Variants in LAMB3 observed in about 807,000 individuals in gnomAD.
LAMB3 encodes the protein laminin subunit beta-3.
In LAMB3, 104 loss-of-function variants were observed where a neutral mutation model predicts 140.3. That is an observed-to-expected ratio of 0.74 (90% CI 0.63 to 0.87). LAMB3 has a LOEUF of 0.87. Ranked by LOEUF, LAMB3 falls within the 40% of genes least tolerant of loss-of-function variation. The pLI, the probability that LAMB3 is intolerant of heterozygous loss-of-function variation, is 0.00. For missense variants in LAMB3, 1,531 were observed against 1,575.2 expected (o/e 0.97, Z 0.47); for synonymous variants, 592 against 602.9 (o/e 0.98, Z 0.26).
intron 10 of LAMB3, among the ~76,000 whole-genome samples, chr1:209,629,118 CT>C (rs1666584300): frequency 6.6e-6 from 1 of 152,186 alleles, no homozygotes. Flanking sequence ...TCTTTTCTGA[CT>C]AAACCTGCCC....
intron 10 of LAMB3, among the ~76,000 whole-genome samples, chr1:209,628,870 A>C (rs1006540883): frequency 3.9e-5 from 6 of 152,206 alleles, no homozygotes; most frequent in Non-Finnish European, 7.3e-5. Context: ...TGTAATCTTC[A>C]TGATAATCCT....
In LAMB3 at chr1:209,625,881, G is replaced by A. The variant is rs1401679795; in HGVS notation, c.1743C>T (p.Cys581=). The part of the protein sequence containing the change: ...YCNRYPVCVA[C]HPCFQTYDAD... Reference sequence around the variant, plus strand: ...CATCATAGGTCTGGAAGCAAGGGTGGCAGGCCACGCACACCGGGTAGCGAT... The same window carrying A: ...CATCATAGGTCTGGAAGCAAGGGTGACAGGCCACGCACACCGGGTAGCGAT... Residue 581 remains cysteine, a synonymous_variant, in exon 14 of 23, where the codon TGC becomes TGT. Coordinates refer to ENST00000356082, the MANE Select transcript of LAMB3 (RefSeq NM_000228.3). The A allele has an allele frequency of 6.2e-7, 1 of 1,613,938 alleles. No individual in the cohort carries two copies. Among genetic ancestry groups the A allele is most frequent in the Admixed American group, 1.7e-5 (1 of 59,986 alleles).
At chr1:209,650,152 A>C (rs767106377) in intron 2 of LAMB3, 34 bp from the exon 3 acceptor site, 7 of 1,598,484 alleles carry the variant, frequency 4.4e-6, no homozygotes, top group Non-Finnish European at 6.0e-6. Context: ...GGAGCAGTCC[A>C]GAAAAAAAGG....
At chr1:209,617,840 C>CTGCA (rs1258016940) in intron 20 of LAMB3, 67 bp downstream of exon 20, 7 of 1,596,578 alleles carry the variant, frequency 4.4e-6, no homozygotes, top group Non-Finnish European at 6.0e-6. Context: ...CTGGCATTTT[C>CTGCA]TATGCCTGGT....
In LAMB3 at chr1:209,623,621, C is replaced by A. The variant is rs369131781; in HGVS notation, c.2242G>T (p.Glu748Ter). The A allele has an allele frequency of 1.2e-6, 2 of 1,614,230 alleles. No individual in the cohort carries two copies. The highest frequency in any genetic ancestry group is 1.7e-6 in the Non-Finnish European group (2 of 1,180,036). The change falls in exon 16 of 23, where the codon GAG becomes TAG. Residue 748 changes from glutamate to a stop codon, truncating the protein, a stop_gained. Transcript: ENST00000356082. LOFTEE classifies it high-confidence loss of function. This position sits in a 1 kb window ranked among gnomAD's most constrained non-coding sequence, Gnocchi z 4.2. ...LLDQLRDSRR[E>*]AERLVRQAGG... ...GCCTGCCGCACCAGCCTCTCTGCCTCTCTCCGGCTGTCCCTGAGCTGGTCC... is the reference window on the plus strand; with the variant it reads ...GCCTGCCGCACCAGCCTCTCTGCCTATCTCCGGCTGTCCCTGAGCTGGTCC...
At chr1:209,641,641 A>G (rs2076469984) in intron 3 of LAMB3, among the ~76,000 whole-genome samples, 1 of 152,224 alleles carries the variant, frequency 6.6e-6, no homozygotes, top group Non-Finnish European at 1.5e-5. Flanking sequence ...CTTGAAGCTT[A>G]TCACAGGGAA....
Position 209,623,805 on chromosome 1 carries a change from C to G in LAMB3, c.2137+35G>C. ...GTGGCATGCCCACCACGGCAGTGCCCATGCCCGGGGTTATCCGGGTGCCCC... is the reference window on the plus strand; with the variant it reads ...GTGGCATGCCCACCACGGCAGTGCCGATGCCCGGGGTTATCCGGGTGCCCC... On this transcript the variant is annotated intron_variant, in intron 15 of 22. Coordinates refer to ENST00000356082, the MANE Select transcript of LAMB3 (RefSeq NM_000228.3). The surrounding 1 kb of genome is among the most constrained non-coding windows in gnomAD (Gnocchi z 4.2). 9 of 1,614,072 alleles carry G rather than the reference C, an allele frequency of 5.6e-6. No homozygotes were observed. Among genetic ancestry groups the G allele is most frequent in the Non-Finnish European group, 5.9e-6 (7 of 1,179,950 alleles).
At chr1:209,634,861 G>T (rs1051726482) in intron 5 of LAMB3, among the ~76,000 whole-genome samples, 1 of 151,654 alleles carries the variant, frequency 6.6e-6, no homozygotes, top group South Asian at 2.1e-4. Context: ...AGCTCACCAG[G>T]CTTCCAGGAT....
intron 21 of LAMB3, 80 bp downstream of exon 21, chr1:209,617,330 A>G: frequency 6.9e-7 from 1 of 1,454,600 alleles, no homozygotes; most frequent in Non-Finnish European, 9.6e-7. Flanking sequence ...TTGTGGTCTT[A>G]TAAAGTGTGC....
chr1:209,638,564 C>G lies in LAMB3; in HGVS notation c.268G>C (p.Gly90Arg). 1 of 1,613,162 alleles carries G rather than the reference C, an allele frequency of 6.2e-7. No individual in the cohort carries two copies. The highest frequency in any genetic ancestry group is 8.5e-7 in the Non-Finnish European group (1 of 1,179,144). The part of the protein sequence containing the change: ...HRVENVASSS[G>R]PMRWWQSQND... ...TGTGACTGCCACCAGCGCATGGGGC[C>G]GGAGGATGAAGCCACATTCTCTACT... is the stretch of plus-strand genomic sequence containing the variant. Residue 90 changes from glycine (G) to arginine (R), a missense_variant, in exon 4 of 23, where the codon GGC becomes CGC. Transcript: ENST00000356082.
intron 3 of LAMB3, among the ~76,000 whole-genome samples, chr1:209,645,027 C>G (rs1223687673): frequency 1.3e-5 from 2 of 152,226 alleles, no homozygotes; most frequent in Non-Finnish European, 2.9e-5. Context: ...CGGGCCTTCC[C>G]ATTTCACATT....
In LAMB3 at chr1:209,648,241, G is replaced by A. The variant is rs1198604764; in HGVS notation, c.183+1723C>T. Among the ~76,000 whole-genome samples the A allele has an allele frequency of 2.1e-4, 32 of 152,166 alleles. 1 individual carries two copies. ...ATTGCCAAAGAATGTTAGGGAAAAG[G>A]AGGGACCCTAAAGACCATCTCATCT... On this transcript the variant is annotated intron_variant, in intron 3 of 22. Coordinates refer to ENST00000356082, the MANE Select transcript of LAMB3 (RefSeq NM_000228.3).
intron 4 of LAMB3, 117 bp from the exon 5 acceptor site, chr1:209,638,098 CA>C (rs1342720071): frequency 7.3e-6 from 6 of 818,730 alleles, no homozygotes; most frequent in African/African-American, 1.7e-5. Flanking sequence ...CTTGATTTTC[CA>C]AACTCCCTCT....
chr1:209,650,163 G>GACCT (rs1453446443), intron 2 of LAMB3, 45 bp from the exon 3 acceptor site: 3 of 1,574,438 alleles, frequency 1.9e-6, no homozygotes, highest in Non-Finnish European at 2.6e-6. Context: ...GAAAAAAAGG[G>GACCT]ACCTCACTGG....
At position 209,629,798 on chromosome 1, in the gene LAMB3, C is replaced by T; in HGVS notation, c.1071G>A (p.Arg357=). Reference sequence around the variant, plus strand: ...GGTTCCGGAAATAGTGCAGCTGACACCGCTCACAGTTCTTGCCTTCGGTGT... The same window carrying T: ...GGTTCCGGAAATAGTGCAGCTGACATCGCTCACAGTTCTTGCCTTCGGTGT... ...RDHTEGKNCE[R]CQLHYFRNRR... is the part of the protein sequence containing the mutation. Residue 357 remains arginine, a synonymous_variant, in exon 10 of 23, where the codon CGG becomes CGA. Transcript: ENST00000356082. 6.2e-7 allele frequency: 1 copy of T among 1,614,026 alleles called. No individual in the cohort carries two copies. Among genetic ancestry groups the T allele is most frequent in the Non-Finnish European group, 8.5e-7 (1 of 1,180,028 alleles).
At position 209,625,748 on chromosome 1, in the gene LAMB3, C is replaced by T. The variant is rs746413547; in HGVS notation, c.1876G>A (p.Asp626Asn). Residue 626 changes from aspartate (D) to asparagine (N), a missense_variant, in exon 14 of 23, where the codon GAT becomes AAT. Coordinates refer to ENST00000356082, the MANE Select transcript of LAMB3 (RefSeq NM_000228.3). ...ATCTGCTCAATCTTACTCTTTGCATCTAGGATCCGGGAGGCCAGGCCACGG... is the reference window on the plus strand; with the variant it reads ...ATCTGCTCAATCTTACTCTTTGCATTTAGGATCCGGGAGGCCAGGCCACGG... ...EDRGLASRIL[D>N]AKSKIEQIRA... 2 of 1,614,190 alleles carry T rather than the reference C, an allele frequency of 1.2e-6. No homozygotes were observed. The highest frequency in any genetic ancestry group is 1.7e-6 in the Non-Finnish European group (2 of 1,180,044).
chr1:209,636,822 A>G (rs1666910222), intron 5 of LAMB3, among the ~76,000 whole-genome samples: 1 of 152,198 alleles, frequency 6.6e-6, no homozygotes, highest in African/African-American at 2.4e-5. Context: ...ACCATGCAAG[A>G]GCCCCATTCT....
Position 209,623,321 on chromosome 1 carries a change from G to T in LAMB3, c.2359-142C>A. ...GCCAGACATCTCCATGAGAGCTAAG[G>T]ACCAGAAACTGGTTTCCTTGGCAAC... On this transcript the variant is annotated intron_variant, in intron 16 of 22. Coordinates refer to ENST00000356082, the MANE Select transcript of LAMB3 (RefSeq NM_000228.3). This position sits in a 1 kb window ranked among gnomAD's most constrained non-coding sequence, Gnocchi z 4.2. The T allele has an allele frequency of 9.7e-7, 1 of 1,035,444 alleles. No individual in the cohort carries two copies. 64.1% of individuals were successfully genotyped at this position (1,035,444 alleles called of 1,614,324 possible). A position where few individuals can be genotyped will look rare whatever the true frequency, so the allele number is the denominator to read the frequency against.
At chr1:209,628,440 G>A (rs1666557660) in intron 10 of LAMB3, among the ~76,000 whole-genome samples, 1 of 152,238 alleles carries the variant, frequency 6.6e-6, no homozygotes, top group Admixed American at 6.5e-5. Context: ...GCTCATGCCT[G>A]TAATCCCAGC....
Sources: allele counts gnomAD v4.1 joint callset (sites outside exome capture counted in the v4.1 genomes callset), GRCh38; gene constraint gnomAD v4.1.1; non-coding constraint Gnocchi (gnomAD v3.1); transcripts MANE v1.5; gene names NCBI Gene and HGNC (gene_info 2026-07-23, HGNC 2026-07-21).